The following EDIL3 variants were observed in gnomAD, a reference collection of about 807,000 sequenced individuals.
EDIL3 encodes EGF-like repeat and discoidin I-like domain-containing protein 3.
EDIL3 carries 37 observed loss-of-function variants against 67.4 expected under a neutral mutation model. The ratio of observed to expected loss-of-function variants is 0.55; its 90% confidence interval spans 0.42 to 0.72. The LOEUF is 0.72. Ranked by LOEUF, EDIL3 falls within the 30% of genes least tolerant of loss-of-function variation. The probability of loss-of-function intolerance (pLI) is 0.00; values close to 1 mark genes in which losing one functional copy is unlikely to be tolerated. For synonymous variants in EDIL3, 195 were observed against 196.3 expected (o/e 0.99, Z 0.05); for missense variants, 527 against 586.3 (o/e 0.90, Z 1.04).
At chr5:84,346,441 A>C (rs948494275) in intron 1 of EDIL3, among the ~76,000 whole-genome samples, 1 of 152,112 alleles carries the variant, frequency 6.6e-6, no homozygotes. Context: ...AGATGTTCAG[A>C]TCCTAGAGTC....
At chr5:84,336,663 C>T (rs1194913420) in intron 1 of EDIL3, among the ~76,000 whole-genome samples, 2 of 152,084 alleles carry the variant, frequency 1.3e-5, no homozygotes, top group African/African-American at 4.8e-5. Flanking sequence ...TGAATTCAGG[C>T]ATTGTCCACA....
chr5:84,326,170 A>T (rs1249903635), intron 1 of EDIL3, among the ~76,000 whole-genome samples: 1 of 151,980 alleles, frequency 6.6e-6, no homozygotes, highest in Non-Finnish European at 1.5e-5. Flanking sequence ...CCACCATGGG[A>T]TGATCCATCA....
intron 1 of EDIL3, among the ~76,000 whole-genome samples, chr5:84,349,041 A>G (rs1380200041): frequency 6.6e-6 from 1 of 152,214 alleles, no homozygotes; most frequent in East Asian, 1.9e-4. Context: ...CTGACATTTT[A>G]ACTATATTAT....
intron 1 of EDIL3, among the ~76,000 whole-genome samples, chr5:84,360,994 A>G (rs1337925969): frequency 1.3e-5 from 2 of 151,986 alleles, no homozygotes; most frequent in Non-Finnish European, 2.9e-5. Context: ...CATATTAAAT[A>G]TTTTTCCATG....
intron 9 of EDIL3, among the ~76,000 whole-genome samples, chr5:83,972,803 AT>A (rs1461142695): frequency 2.0e-5 from 3 of 152,066 alleles, no homozygotes; most frequent in Non-Finnish European, 2.9e-5. Context: ...ATTAAATATA[AT>A]GTTCTTGTAT....
intron 3 of EDIL3, among the ~76,000 whole-genome samples, chr5:84,225,665 G>A (rs1409084125): frequency 6.6e-6 from 1 of 151,312 alleles, no homozygotes. Flanking sequence ...TGTTATTGAA[G>A]ATAAACATCT....
chr5:84,369,245 T>C (rs6878041), intron 1 of EDIL3, among the ~76,000 whole-genome samples: 67,391 of 149,844 alleles, frequency 0.45, 15,332 homozygotes, highest in Middle Eastern at 0.53. Context: ...TACACACACA[T>C]ATAAATATAC....
chr5:84,228,690 T>C (rs970555437), intron 3 of EDIL3, among the ~76,000 whole-genome samples: 2 of 152,202 alleles, frequency 1.3e-5, no homozygotes, highest in African/African-American at 4.8e-5. Flanking sequence ...CCTTGGAATT[T>C]ATCAAAGAAA....
At chr5:84,376,439 A>G (rs1039197639) in intron 1 of EDIL3, among the ~76,000 whole-genome samples, 8 of 152,212 alleles carry the variant, frequency 5.3e-5, no homozygotes, top group Non-Finnish European at 1.2e-4. Context: ...AAAAAAGGGA[A>G]AAATCACTTA....
At position 84,114,150 on chromosome 5, in the gene EDIL3, T is replaced by TTTTTTTTTG. The variant is rs1156750042; in HGVS notation, c.470-7321_470-7320insCAAAAAAAA. 1.3e-4 allele frequency among the ~76,000 whole-genome samples: 14 copies of TTTTTTTTTG among 106,994 alleles called. No homozygotes were observed. The South Asian group carries it at 3.7e-3, about 28-fold the overall frequency. 70.2% of individuals were successfully genotyped at this position (106,994 alleles called of 152,430 possible). On this transcript the variant is annotated intron_variant, in intron 5 of 10. Transcript: ENST00000296591. ...TGAGGGTTTAAAGGAACCCTAAAGT[T>TTTTTTTTTG]TTTTTTTTTTTTTTTTTTTTGATGA...
intron 1 of EDIL3, among the ~76,000 whole-genome samples, chr5:84,265,578 G>A (rs889478782): frequency 6.6e-6 from 1 of 152,128 alleles, no homozygotes; most frequent in East Asian, 1.9e-4. Context: ...TGAAGACAAC[G>A]TTTTATAAAA....
intron 9 of EDIL3, among the ~76,000 whole-genome samples, chr5:84,011,644 A>G (rs1159732670): frequency 6.6e-6 from 1 of 152,090 alleles, no homozygotes; most frequent in Admixed American, 6.6e-5. Context: ...TACCTCTCCA[A>G]TGTCATCTAC....
At chr5:83,982,613 G>T (rs1336921326) in intron 9 of EDIL3, among the ~76,000 whole-genome samples, 1 of 152,066 alleles carries the variant, frequency 6.6e-6, no homozygotes, top group Admixed American at 6.6e-5. Flanking sequence ...TAGTAGAGTT[G>T]ACTTCTTTTT....
intron 4 of EDIL3, among the ~76,000 whole-genome samples, chr5:84,168,769 C>A (rs1748757867): frequency 6.6e-6 from 1 of 152,180 alleles, no homozygotes; most frequent in Non-Finnish European, 1.5e-5. Context: ...CAGGTGGTTG[C>A]AAGGTTCCAC....
intron 1 of EDIL3, among the ~76,000 whole-genome samples, chr5:84,291,608 G>A (rs1745916276): frequency 6.7e-6 from 1 of 149,712 alleles, no homozygotes; most frequent in Non-Finnish European, 1.5e-5. Context: ...CAGGAAGTGA[G>A]AACATTCATT....
At chr5:84,198,591 C>T (rs1487688976) in intron 3 of EDIL3, among the ~76,000 whole-genome samples, 2 of 151,994 alleles carry the variant, frequency 1.3e-5, no homozygotes, top group Non-Finnish European at 2.9e-5. Flanking sequence ...ACTATGTCAT[C>T]CAAGGTTATC....
chr5:84,248,679 T>C (rs1744961276), intron 2 of EDIL3, among the ~76,000 whole-genome samples: 1 of 152,190 alleles, frequency 6.6e-6, no homozygotes, highest in Non-Finnish European at 1.5e-5. Flanking sequence ...CAATCCTGTG[T>C]ATTGTCATTT....
intron 6 of EDIL3, among the ~76,000 whole-genome samples, chr5:84,081,243 G>A (rs1481916849): frequency 6.6e-6 from 1 of 152,164 alleles, no homozygotes. Flanking sequence ...GGTACCAGCT[G>A]TTAGAGTTTC....
intron 5 of EDIL3, among the ~76,000 whole-genome samples, chr5:84,131,101 TA>T (rs1358921015): frequency 2.6e-5 from 4 of 152,194 alleles, no homozygotes; most frequent in Middle Eastern, 3.4e-3. Context: ...GATATACAGG[TA>T]TTTTTTTTTC....
Sources: allele counts gnomAD v4.1 joint callset (sites outside exome capture counted in the v4.1 genomes callset), GRCh38; gene constraint gnomAD v4.1.1; transcripts MANE v1.5; gene names NCBI Gene and HGNC (gene_info 2026-07-23, HGNC 2026-07-21).